The following MAPK6 variants were observed in gnomAD, a reference collection of about 807,000 sequenced individuals.
MAPK6 encodes the protein ERK-3.
Under a neutral mutation model 59.3 loss-of-function variants are expected in MAPK6, and 19 were observed. That is an observed-to-expected ratio of 0.32 (90% confidence interval 0.22 to 0.47). The LOEUF is 0.47. Among genes scored for constraint, MAPK6 ranks in the 20% least tolerant of loss-of-function variants. The pLI, the probability that MAPK6 is intolerant of heterozygous loss-of-function variation, is 1.00. For synonymous variants in MAPK6, 316 were observed against 290.3 expected, an observed-to-expected ratio of 1.09 and a Z score of -0.90; for missense variants, 724 against 847.9, an observed-to-expected ratio of 0.85 and a Z score of 1.81.
In MAPK6 at chr15:52,065,015, A is replaced by C. The variant is rs780866438; in HGVS notation, c.*15A>C. The C allele has an allele frequency of 1.5e-5, 24 of 1,573,224 alleles. No homozygotes were observed. The highest frequency in any genetic ancestry group is 1.0e-5 in the Non-Finnish European group (12 of 1,157,066). ...ATCTGAACTAAAACACTCAGCAGAC[A>C]TTTATCTTTGTATTCTTCATGAAAT... On this transcript the variant is annotated 3_prime_UTR_variant, in exon 6 of 6. Transcript: ENST00000261845.
intron 3 of MAPK6, among the ~76,000 whole-genome samples, chr15:52,008,080 CAG>C (rs1215697840): frequency 2.0e-5 from 3 of 152,078 alleles, no homozygotes; most frequent in Non-Finnish European, 4.4e-5. Context: ...CTCCTGACCT[CAG>C]GTGATCCACC....
chr15:52,066,812 ATTTT>A lies in MAPK6; in HGVS notation c.*1813_*1816del, dbSNP rs1408298227. On this transcript the variant is annotated 3_prime_UTR_variant, in exon 6 of 6. Coordinates refer to ENST00000261845, the MANE Select transcript of MAPK6 (RefSeq NM_002748.4). ...TGTGTGTATATATATTCATTTATTTATTTTCTGGTTGAATACTGTCACGTTATTA... is the reference window on the plus strand; with the variant it reads ...TGTGTGTATATATATTCATTTATTTACTGGTTGAATACTGTCACGTTATTA... The A allele has an allele frequency of 6.8e-6, 1 of 147,760 alleles. No homozygotes were observed. Among genetic ancestry groups the A allele is most frequent in the Non-Finnish European group, 1.5e-5 (1 of 66,636 alleles). 9.2% of individuals were successfully genotyped at this position (147,760 alleles called of 1,614,324 possible).
At chr15:52,034,769 C>A (rs1187040819) in intron 1 of MAPK6, among the ~76,000 whole-genome samples, 1 of 152,188 alleles carries the variant, frequency 6.6e-6, no homozygotes, top group Admixed American at 6.5e-5. Context: ...GTGATCTCAG[C>A]TCACTACAAC....
chr15:51,975,376 A>G, intron 1 of MAPK6, among the ~76,000 whole-genome samples: 1 of 151,518 alleles, frequency 6.6e-6, no homozygotes, highest in Non-Finnish European at 1.5e-5. Flanking sequence ...CCTCGTCTCT[A>G]CTAAGAATAC....
chr15:52,026,000 A>G (rs774834625), intron 1 of MAPK6, among the ~76,000 whole-genome samples: 2 of 152,240 alleles, frequency 1.3e-5, no homozygotes, highest in Non-Finnish European at 2.9e-5. Context: ...GTATTATAAA[A>G]CAGTGCTGAT....
chr15:52,030,653 T>G (rs1280146243), intron 1 of MAPK6, among the ~76,000 whole-genome samples: 1 of 114,974 alleles, frequency 8.7e-6, no homozygotes, highest in Non-Finnish European at 1.6e-5. Flanking sequence ...AGGCAGAGTC[T>G]CACTCTGTTG....
At chr15:51,999,076 G>T (rs7162115) in intron 2 of MAPK6, among the ~76,000 whole-genome samples, 54,185 of 149,254 alleles carry the variant, frequency 0.36, 10,647 homozygotes, top group Middle Eastern at 0.44. Flanking sequence ...GCTCACTGCC[G>T]CCTCCACCTC....
chr15:52,057,408 C>G (rs1195450168), intron 3 of MAPK6, among the ~76,000 whole-genome samples: 2 of 152,176 alleles, frequency 1.3e-5, no homozygotes, highest in African/African-American at 4.8e-5. Flanking sequence ...CTACACTTGT[C>G]TAATTGTTGT....
intron 2 of MAPK6, among the ~76,000 whole-genome samples, chr15:51,991,064 G>T (rs1052625418): frequency 1.3e-5 from 2 of 151,732 alleles, no homozygotes; most frequent in Non-Finnish European, 2.9e-5. Context: ...GGAAGAGGAG[G>T]TTGCTGTGAC....
intron 1 of MAPK6, among the ~76,000 whole-genome samples, chr15:52,022,620 A>C (rs1212604120): frequency 2.0e-5 from 3 of 152,082 alleles, no homozygotes; most frequent in Non-Finnish European, 4.4e-5. Flanking sequence ...AGAGTATTGC[A>C]TGATTTATAC....
intron 3 of MAPK6, among the ~76,000 whole-genome samples, chr15:52,053,580 T>TA (rs1284629232): frequency 6.6e-6 from 1 of 151,878 alleles, no homozygotes; most frequent in Non-Finnish European, 1.5e-5. Context: ...TATAGTGTCT[T>TA]TTGAAACAAG....
intron 4 of MAPK6, among the ~76,000 whole-genome samples, chr15:52,060,948 A>AC (rs2032175863): frequency 6.6e-6 from 1 of 152,220 alleles, no homozygotes; most frequent in Admixed American, 6.5e-5. Flanking sequence ...ATCCAGCACT[A>AC]CAGTGCTAGT....
chr15:52,025,253 A>C (rs1285884157), intron 1 of MAPK6, among the ~76,000 whole-genome samples: 2 of 152,150 alleles, frequency 1.3e-5, no homozygotes, highest in Non-Finnish European at 2.9e-5. Context: ...AAAATACGTA[A>C]ATAAATAAAA....
intron 3 of MAPK6, among the ~76,000 whole-genome samples, chr15:52,054,632 C>G (rs2031897655): frequency 6.6e-6 from 1 of 151,434 alleles, no homozygotes. Context: ...CAGTTCCACC[C>G]TTTAAAGGGA....
At position 52,064,600 on chromosome 15, in the gene MAPK6, A is replaced by G; in HGVS notation, c.1766A>G (p.Tyr589Cys). 1.2e-6 allele frequency: 2 copies of G among 1,611,934 alleles called. No individual in the cohort carries two copies. The highest frequency in any genetic ancestry group is 8.5e-7 in the Non-Finnish European group (1 of 1,179,776). Reference sequence around the variant, plus strand: ...AATCTGGCTCAATTAGAAGCCTTGTACCAGTCTTCTTGGGACAGCCAGTTT... The same window carrying G: ...AATCTGGCTCAATTAGAAGCCTTGTGCCAGTCTTCTTGGGACAGCCAGTTT... ...MANLAQLEALYQSSWDSQFVS... is the reference protein window; with the variant it reads ...MANLAQLEALCQSSWDSQFVS... The change falls in exon 6 of 6, where the codon TAC becomes TGC. Residue 589 changes from tyrosine to cysteine, a missense_variant. Physicochemically the swap from Tyr to Cys is radical, Grantham distance 194 (BLOSUM62 -2). Around this residue, in one of 4 missense-constraint regions of MAPK6, gnomAD observed 502 missense variants for 507.6 expected, o/e 0.99. Transcript: ENST00000261845.
At chr15:51,975,306 G>C (rs2057154194) in intron 1 of MAPK6, among the ~76,000 whole-genome samples, 1 of 151,716 alleles carries the variant, frequency 6.6e-6, no homozygotes. Context: ...ACTTTGGGAG[G>C]CCAAGGCAGG....
intron 1 of MAPK6, among the ~76,000 whole-genome samples, chr15:51,978,325 G>C (rs1033559617): frequency 4.6e-5 from 7 of 151,710 alleles, no homozygotes; most frequent in African/African-American, 9.7e-5. Context: ...GTAGAGACAG[G>C]GTTTTGGGAT....
intron 1 of MAPK6, among the ~76,000 whole-genome samples, chr15:51,975,509 C>G (rs940063523): frequency 8.6e-5 from 13 of 151,214 alleles, no homozygotes; most frequent in Non-Finnish European, 1.6e-4. Context: ...CCACTGCACT[C>G]AAGCCTGGAG....
At chr15:51,988,284 A>G (rs2057197259) in intron 2 of MAPK6, among the ~76,000 whole-genome samples, 1 of 152,206 alleles carries the variant, frequency 6.6e-6, no homozygotes, top group African/African-American at 2.4e-5. Flanking sequence ...GAAAAAAAGA[A>G]AGAATAAAAT....
Sources: allele counts gnomAD v4.1 joint callset (sites outside exome capture counted in the v4.1 genomes callset), GRCh38; gene constraint gnomAD v4.1.1; regional missense constraint gnomAD v4.1.1; transcripts MANE v1.5; gene names NCBI Gene and HGNC (gene_info 2026-07-23, HGNC 2026-07-21).